The following RBM25 variants were observed in gnomAD, a reference collection of about 807,000 sequenced individuals.
RBM25 encodes RNA-binding protein 25.
In RBM25, 19 loss-of-function variants were observed where a neutral mutation model predicts 120.7. The ratio of observed to expected loss-of-function variants is 0.16; its 90% CI spans 0.11 to 0.23. The LOEUF is 0.23. RBM25 is among the 10% of genes least tolerant of loss of function. The probability of loss-of-function intolerance (pLI) is 1.00; values close to 1 mark genes in which losing one functional copy is unlikely to be tolerated. For synonymous variants in RBM25, 390 were observed against 326.7 expected, an observed-to-expected ratio of 1.19 and a Z score of -2.09; for missense variants, 605 against 1,041.5, an observed-to-expected ratio of 0.58 and a Z score of 5.77.
intron 16 of RBM25, 125 bp from the exon 17 acceptor site, chr14:73,112,027 A>C (rs1211474704): frequency 9.3e-7 from 1 of 1,071,084 alleles, no homozygotes; most frequent in East Asian, 2.4e-5. Flanking sequence ...ATCTTGATAC[A>C]TATCTGTCTT....
intron 2 of RBM25, among the ~76,000 whole-genome samples, 164 bp downstream of exon 2, chr14:73,071,911 C>G (rs943674652): frequency 2.0e-5 from 3 of 151,996 alleles, no homozygotes; most frequent in Admixed American, 1.3e-4. Context: ...GCTTTTATAT[C>G]TGGCTGAGTA....
chr14:73,063,224 A>G (rs187450912), intron 1 of RBM25, among the ~76,000 whole-genome samples: 1 of 151,006 alleles, frequency 6.6e-6, no homozygotes, highest in African/African-American at 2.4e-5. Context: ...ATCTCTGCTC[A>G]CTGCAAGCTC....
At chr14:73,110,710 T>C (rs1242595323) in intron 14 of RBM25, 121 bp from the exon 15 acceptor site, 1 of 1,236,538 alleles carries the variant, frequency 8.1e-7, no homozygotes, top group African/African-American at 1.5e-5. Context: ...ATTACAGGCA[T>C]GAGCCACCAT....
At chr14:73,104,422 G>A (rs191435339) in intron 10 of RBM25, among the ~76,000 whole-genome samples, 1 of 150,890 alleles carries the variant, frequency 6.6e-6, no homozygotes, top group South Asian at 2.1e-4. Context: ...AAGTTGGAGT[G>A]CAGTGGTACA....
intron 1 of RBM25, among the ~76,000 whole-genome samples, chr14:73,062,352 T>C (rs1033030877): frequency 6.6e-6 from 1 of 151,374 alleles, no homozygotes; most frequent in African/African-American, 2.4e-5. Context: ...TGACACATAA[T>C]TGGAAGTAGA....
chr14:73,113,565 C>T (rs535503865), intron 17 of RBM25, among the ~76,000 whole-genome samples: 1 of 152,016 alleles, frequency 6.6e-6, no homozygotes, highest in South Asian at 2.1e-4. Context: ...GTGGCAGGCA[C>T]CTGTAATCCC....
In RBM25 at chr14:73,119,825, T is replaced by G; in HGVS notation, c.*20T>G. 1 of 1,591,670 alleles carries G rather than the reference T, an allele frequency of 6.3e-7. No individual in the cohort carries two copies. The highest frequency in any genetic ancestry group is 2.3e-5 in the East Asian group (1 of 44,430). ...AAGTAAAACTTTTTATATTTAGAGTTCCATTTCAGATTTCTTCTTTGCCAC... is the reference window on the plus strand; with the variant it reads ...AAGTAAAACTTTTTATATTTAGAGTGCCATTTCAGATTTCTTCTTTGCCAC... On this transcript the variant is annotated 3_prime_UTR_variant, in exon 19 of 19. Coordinates refer to ENST00000261973, the MANE Select transcript of RBM25 (RefSeq NM_021239.3).
chr14:73,066,438 C>A (rs1182238831), intron 1 of RBM25, among the ~76,000 whole-genome samples: 1 of 152,096 alleles, frequency 6.6e-6, no homozygotes, highest in Non-Finnish European at 1.5e-5. Context: ...GAGTTTGAGA[C>A]CAGCCTGGCC....
intron 16 of RBM25, 67 bp from the exon 17 acceptor site, chr14:73,112,085 T>G (rs984734287): frequency 6.2e-5 from 87 of 1,404,074 alleles, no homozygotes; most frequent in Non-Finnish European, 7.6e-5. Flanking sequence ...GGAAAAATCA[T>G]GAAGCTTTAA....
At chr14:73,099,492 C>A in intron 8 of RBM25, 59 bp downstream of exon 8, 1 of 1,588,762 alleles carries the variant, frequency 6.3e-7, no homozygotes, top group South Asian at 1.1e-5. Context: ...GTTGATTTGT[C>A]ATTCTTGTCT....
intron 6 of RBM25, among the ~76,000 whole-genome samples, chr14:73,094,772 C>T (rs1023871858): frequency 1.2e-4 from 18 of 151,610 alleles, no homozygotes; most frequent in Admixed American, 3.9e-4. Context: ...GTGATCCGCC[C>T]GCCTCAGCCT....
At position 73,075,656 on chromosome 14, in the gene RBM25, C is replaced by G. The variant is rs906442775; in HGVS notation, c.107-663C>G. 5.9e-5 allele frequency among the ~76,000 whole-genome samples: 9 copies of G among 152,156 alleles called. No homozygotes were observed. In the East Asian group the frequency reaches 9.6e-4, roughly 16 times the overall value. ...AATGACTAAATTGAGCTAATTAACA[C>G]TTGGTGTATTACTTTACATACTTAT... On this transcript the variant is annotated intron_variant, in intron 2 of 18. Transcript: ENST00000261973.
At chr14:73,103,900 T>C (rs1415513585) in intron 10 of RBM25, among the ~76,000 whole-genome samples, 1 of 96,198 alleles carries the variant, frequency 1.0e-5, no homozygotes, top group Non-Finnish European at 1.9e-5. Context: ...TCTGTCTGTC[T>C]GTCTGTCTCT....
At chr14:73,064,586 G>T (rs1895081766) in intron 1 of RBM25, among the ~76,000 whole-genome samples, 1 of 151,054 alleles carries the variant, frequency 6.6e-6, no homozygotes, top group African/African-American at 2.4e-5. Flanking sequence ...ATAGAGACGG[G>T]CTTTCACCAT....
rs1894999632 is a variant in RBM25 at position 73,061,259 on chromosome 14, T to A, written c.-16+2554T>A. The stretch of plus-strand genomic sequence containing the variant: ...TTTTAGTAGAGACGGGGTTTGACCA[T>A]GTTGTCCAGGCTGGTCTTGGAACTT... On this transcript the variant is annotated intron_variant, in intron 1 of 18. Transcript: ENST00000261973. Among the ~76,000 whole-genome samples, 11 of 151,084 alleles carry A rather than the reference T, an allele frequency of 7.3e-5. 1 individual carries two copies. The highest frequency in any genetic ancestry group is 7.3e-4 in the Admixed American group (11 of 15,134).
Position 73,071,633 on chromosome 14 carries a change from G to T in RBM25, c.-9G>T, listed in dbSNP as rs181467529. 1.3e-6 allele frequency: 2 copies of T among 1,598,476 alleles called. No homozygotes were observed. Among genetic ancestry groups the T allele is most frequent in the Non-Finnish European group, 1.7e-6 (2 of 1,166,094 alleles). On this transcript the variant is annotated 5_prime_UTR_variant, in exon 2 of 19. Transcript: ENST00000261973. ...CATGTCCTTTTTTCTTTAGACTGCT[G>T]CAGTAAGAATGTCTTTTCCACCTCA...
At chr14:73,059,045 A>T (rs913750697) in intron 1 of RBM25, among the ~76,000 whole-genome samples, 1 of 151,960 alleles carries the variant, frequency 6.6e-6, no homozygotes, top group East Asian at 1.9e-4. Context: ...AAAACGATCG[A>T]TCTGCCCCAG....
rs1895964891 is a variant in RBM25 at position 73,097,204 on chromosome 14, T to TTTTC, written c.729+107_729+108insCTTT. ...GTTTTCTTTTTTCTTTTCTTTTTTT[T>TTTTC]TTTTTTTTTTTTTTGAGATGGAGGC... On this transcript the variant is annotated intron_variant, in intron 7 of 18. Transcript: ENST00000261973. 3 of 744,842 alleles carry TTTTC rather than the reference T, an allele frequency of 4.0e-6. 1 individual carries two copies. The highest frequency in any genetic ancestry group is 4.8e-5 in the African/African-American group (2 of 41,994). 46.1% of individuals were successfully genotyped at this position (744,842 alleles called of 1,614,324 possible).
At chr14:73,094,174 C>T (rs1177782851) in intron 6 of RBM25, among the ~76,000 whole-genome samples, 1 of 150,026 alleles carries the variant, frequency 6.7e-6, no homozygotes, top group African/African-American at 2.5e-5. Flanking sequence ...AGGATGGTCT[C>T]GATCTCCTGA....
Sources: gnomAD v4.1 joint callset for allele counts (sites outside exome capture counted in the v4.1 genomes callset) on GRCh38, gnomAD v4.1.1 for gene constraint, MANE v1.5 for transcripts, NCBI Gene and HGNC (gene_info 2026-07-23, HGNC 2026-07-21) for gene names.